The following DROSHA variants were observed in gnomAD, a reference collection of about 807,000 sequenced individuals.
DROSHA encodes drosha ribonuclease III.
Under a neutral mutation model 181.9 loss-of-function variants are expected in DROSHA, and 56 were observed. The ratio of observed to expected loss-of-function variants is 0.31; its 90% confidence interval spans 0.25 to 0.38. The LOEUF (loss-of-function observed/expected upper bound fraction) is 0.38, where lower values mean the gene tolerates loss of function less well. DROSHA is among the 10% of genes least tolerant of loss of function. DROSHA has a pLI of 1.00. For missense variants in DROSHA, 1,218 were observed against 1,743.5 expected (o/e 0.70, Z 5.37); for synonymous variants, 524 against 591.2 (o/e 0.89, Z 1.65).
rs66470289 is a variant in DROSHA at position 31,415,768 on chromosome 5, AGAG to A, written c.3526-4884_3526-4882del. ...AAAGGCTAAGAAAGAAGAATGATACAGAGGAGAAAACTCCTATGGCTTAAGATT... is the reference window on the plus strand; with the variant it reads ...AAAGGCTAAGAAAGAAGAATGATACAGAGAAAACTCCTATGGCTTAAGATT... On this transcript the variant is annotated intron_variant, in intron 30 of 35. Coordinates refer to ENST00000344624, the MANE Select transcript of DROSHA (RefSeq NM_001382508.1). 3.8e-3 allele frequency among the ~76,000 whole-genome samples: 581 copies of A among 152,342 alleles called. 5 individuals are homozygous for A. The highest frequency in any genetic ancestry group is 0.013 in the African/African-American group (558 of 41,580).
intron 5 of DROSHA, among the ~76,000 whole-genome samples, chr5:31,523,698 G>A (rs190804614): frequency 5.3e-5 from 8 of 152,202 alleles, no homozygotes; most frequent in Non-Finnish European, 1.5e-5. Context: ...ATGCCAGCCA[G>A]GAGCGGTGGC....
chr5:31,446,789 C>T (rs914800816), intron 23 of DROSHA, among the ~76,000 whole-genome samples: 1 of 152,040 alleles, frequency 6.6e-6, no homozygotes, highest in Non-Finnish European at 1.5e-5. Context: ...CCTGTAATCC[C>T]AGCACTTTGG....
intron 11 of DROSHA, among the ~76,000 whole-genome samples, chr5:31,499,188 C>T (rs1454840519): frequency 1.3e-5 from 2 of 152,204 alleles, no homozygotes; most frequent in Non-Finnish European, 2.9e-5. Context: ...CCACAGATCA[C>T]CCCCAGGCTG....
chr5:31,509,840 T>C (rs1276970992), intron 9 of DROSHA, among the ~76,000 whole-genome samples: 1 of 152,078 alleles, frequency 6.6e-6, no homozygotes, highest in African/African-American at 2.4e-5. Flanking sequence ...GTCAAATTCA[T>C]AGAGGAAGAA....
intron 16 of DROSHA, among the ~76,000 whole-genome samples, chr5:31,475,722 C>G (rs1750281630): frequency 6.6e-6 from 1 of 152,042 alleles, no homozygotes; most frequent in African/African-American, 2.4e-5. Flanking sequence ...GTCTAAAATA[C>G]CGTAAGAAGG....
At chr5:31,469,489 T>A (rs946963462) in intron 17 of DROSHA, among the ~76,000 whole-genome samples, 2 of 152,240 alleles carry the variant, frequency 1.3e-5, no homozygotes, top group East Asian at 1.9e-4. Flanking sequence ...TTTGTTCACA[T>A]GTAATCCATT....
rs112084319 is a variant in DROSHA, at chr5:31,529,077, T to C, written c.-18A>G. On this transcript the variant is annotated 5_prime_UTR_variant, in exon 4 of 36. Transcript: ENST00000344624. ...TGCATCATGATGTTCCGCCTGGATA[T>C]GTCACATCTTCCACAGAGAATATAA... The C allele has an allele frequency of 1.1e-3, 1,770 of 1,612,618 alleles. 20 individuals carry two copies. The African/African-American group carries it at 0.02, about 18-fold the overall frequency.
rs562489032 is a variant in DROSHA, at chr5:31,514,932, A to G, written c.1290+56T>C. The G allele has an allele frequency of 2.6e-6, 4 of 1,535,760 alleles. No individual in the cohort carries two copies. The highest frequency in any genetic ancestry group is 1.2e-5 in the South Asian group (1 of 85,928). The stretch of plus-strand genomic sequence containing the variant: ...AGAATTTATCCAGCCCCAAAGGCCA[A>G]TAGTGACAACGCCGAGAAGCCCTAG... On this transcript the variant is annotated intron_variant, in intron 8 of 35. Transcript: ENST00000344624. This position sits in a 1 kb window ranked among gnomAD's most constrained non-coding sequence, Gnocchi z 4.4.
chr5:31,477,906 G>A (rs1241185016), intron 16 of DROSHA, among the ~76,000 whole-genome samples: 2 of 152,134 alleles, frequency 1.3e-5, no homozygotes, highest in Non-Finnish European at 2.9e-5. Flanking sequence ...TGGTAAACTG[G>A]TCAACATTGA....
chr5:31,484,339 AGT>A (rs766742956), intron 15 of DROSHA, among the ~76,000 whole-genome samples: 9,026 of 132,404 alleles, frequency 0.068, 549 homozygotes, highest in East Asian at 0.17. Flanking sequence ...GCGCCACTGC[AGT>A]CCGCAGTCCG....
intron 5 of DROSHA, among the ~76,000 whole-genome samples, chr5:31,523,857 C>T (rs1370500829): frequency 1.3e-5 from 2 of 151,772 alleles, no homozygotes; most frequent in East Asian, 1.9e-4. Context: ...TGCCTGTAAT[C>T]CCAGCTACTC....
At chr5:31,416,715 A>C (rs1741994884) in intron 30 of DROSHA, among the ~76,000 whole-genome samples, 1 of 152,168 alleles carries the variant, frequency 6.6e-6, no homozygotes, top group Non-Finnish European at 1.5e-5. Context: ...GGCCTGGAGA[A>C]ATGCAAATAG....
intron 20 of DROSHA, among the ~76,000 whole-genome samples, chr5:31,463,053 T>C (rs1180311917): frequency 6.6e-6 from 1 of 152,160 alleles, no homozygotes; most frequent in Non-Finnish European, 1.5e-5. Context: ...ACATTGGTTT[T>C]GGGGAAACAC....
chr5:31,424,511 A>C, intron 27 of DROSHA, 40 bp from the exon 28 acceptor site: 1 of 1,568,390 alleles, frequency 6.4e-7, no homozygotes, highest in Non-Finnish European at 8.7e-7. Flanking sequence ...CAAGGGAGCC[A>C]TTTAACGCAC....
intron 9 of DROSHA, 51 bp from the exon 10 acceptor site, chr5:31,508,826 GTT>G: frequency 7.1e-7 from 1 of 1,401,644 alleles, no homozygotes. Flanking sequence ...TAACAAACTG[GTT>G]TTTTTTTTTC....
At position 31,470,163 on chromosome 5, in the gene DROSHA, T is replaced by C. The variant is rs988227756; in HGVS notation, c.2241+1900A>G. Among the ~76,000 whole-genome samples the C allele has an allele frequency of 1.3e-5, 2 of 152,224 alleles. No homozygotes were observed. Among genetic ancestry groups the C allele is most frequent in the African/African-American group, 4.8e-5 (2 of 41,454 alleles). On this transcript the variant is annotated intron_variant, in intron 17 of 35. Coordinates refer to ENST00000344624, the MANE Select transcript of DROSHA (RefSeq NM_001382508.1). This position sits in a 1 kb window ranked among gnomAD's most constrained non-coding sequence, Gnocchi z 4.0. The stretch of plus-strand genomic sequence containing the variant: ...CACTGAAACTTCCAATAAAAATCTT[T>C]CATACTGACTAGGTCTGACTTCATG...
rs1234489923 is a variant in DROSHA, at chr5:31,521,164, A to G, written c.906T>C (p.Ser302=). The G allele has an allele frequency of 6.2e-7, 1 of 1,613,564 alleles. No individual in the cohort carries two copies. The highest frequency in any genetic ancestry group is 1.7e-5 in the Admixed American group (1 of 59,994). ...ACTCTTTTTTGTAGGACCTTTCCAGAGATGGTGATCTTCGGTTGTCTCGAT... is the reference window on the plus strand; with the variant it reads ...ACTCTTTTTTGTAGGACCTTTCCAGGGATGGTGATCTTCGGTTGTCTCGAT... The part of the protein sequence containing the change: ...HRHRDNRRSP[S]LERSYKKEYK... The change falls in exon 6 of 36, where the codon TCT becomes TCC. Residue 302 remains serine, a synonymous_variant. Coordinates refer to ENST00000344624, the MANE Select transcript of DROSHA (RefSeq NM_001382508.1).
rs1423236410 is a variant in DROSHA at position 31,411,106 on chromosome 5, C to T, written c.3526-219G>A. ...TCCACTCTACTATCCTGGATTTTTA[C>T]CTTACTGACATAAATGGCTCATTTA... is the stretch of plus-strand genomic sequence containing the variant. On this transcript the variant is annotated intron_variant, in intron 30 of 35. Coordinates refer to ENST00000344624, the MANE Select transcript of DROSHA (RefSeq NM_001382508.1). This position sits in a 1 kb window ranked among gnomAD's most constrained non-coding sequence, Gnocchi z 4.2. Among the ~76,000 whole-genome samples the T allele has an allele frequency of 1.3e-5, 2 of 152,206 alleles. No homozygotes were observed. The highest frequency in any genetic ancestry group is 2.4e-5 in the African/African-American group (1 of 41,508).
chr5:31,519,127 C>CTAAT (rs1739590364), intron 6 of DROSHA, among the ~76,000 whole-genome samples: 1 of 152,122 alleles, frequency 6.6e-6, no homozygotes, highest in Non-Finnish European at 1.5e-5. Context: ...TTTTTATTTT[C>CTAAT]TGCTGCGTTA....
Sources: allele counts gnomAD v4.1 joint callset (sites outside exome capture counted in the v4.1 genomes callset), GRCh38; gene constraint gnomAD v4.1.1; non-coding constraint Gnocchi (gnomAD v3.1); transcripts MANE v1.5; gene names NCBI Gene and HGNC (gene_info 2026-07-23, HGNC 2026-07-21).